The following NETO1 variants were observed in gnomAD, a reference collection of about 807,000 sequenced individuals.
NETO1 encodes neuropilin and tolloid-like protein 1.
A neutral mutation model predicts 61.3 loss-of-function variants in NETO1; 26 were observed. The observed-to-expected ratio is 0.42, with a 90% CI of 0.31 to 0.59. NETO1 has a LOEUF of 0.59. Ranked by LOEUF, NETO1 falls within the 20% of genes least tolerant of loss-of-function variation. The pLI, the probability that NETO1 is intolerant of heterozygous loss-of-function variation, is 0.12. For synonymous variants in NETO1, 225 were observed against 225.8 expected, an observed-to-expected ratio of 1.00 and a Z score of 0.03; for missense variants, 531 against 662.8, an observed-to-expected ratio of 0.80 and a Z score of 2.18.
At chr18:72,755,972 TA>T in intron 8 of NETO1, 61 bp downstream of exon 8, 1 of 810,868 alleles carries the variant, frequency 1.2e-6, no homozygotes, top group Non-Finnish European at 2.1e-6. Flanking sequence ...TTGATACATA[TA>T]AACTTCTACC....
intron 4 of NETO1, among the ~76,000 whole-genome samples, chr18:72,842,799 T>A (rs2073975047): frequency 6.6e-6 from 1 of 152,160 alleles, no homozygotes; most frequent in Non-Finnish European, 1.5e-5. Flanking sequence ...CAATAATACG[T>A]CATAGGTATA....
intron 4 of NETO1, chr18:72,834,172 T>C (rs1217724405): frequency 1.5e-6 from 1 of 681,470 alleles, no homozygotes; most frequent in Non-Finnish European, 1.8e-6. Flanking sequence ...CATTTTAATA[T>C]TTTAATAAAA....
At chr18:72,809,384 A>T (rs556081508) in intron 4 of NETO1, among the ~76,000 whole-genome samples, 2 of 152,226 alleles carry the variant, frequency 1.3e-5, no homozygotes, top group Admixed American at 1.3e-4. Context: ...CCTGTATGTA[A>T]CTAACACTTA....
At chr18:72,775,685 G>C (rs2071523535) in intron 7 of NETO1, among the ~76,000 whole-genome samples, 1 of 152,096 alleles carries the variant, frequency 6.6e-6, no homozygotes, top group Admixed American at 6.6e-5. Flanking sequence ...ATCCTCTTTA[G>C]AGCATTCGAG....
rs142843923 is a variant in NETO1, at chr18:72,828,038, C to T, written c.469+30788G>A. Among the ~76,000 whole-genome samples, 343 of 152,244 alleles carry T rather than the reference C, an allele frequency of 2.3e-3. 2 individuals are homozygous for T. The highest frequency in any genetic ancestry group is 7.8e-3 in the African/African-American group (326 of 41,548). Reference sequence around the variant, plus strand: ...GCAATAAATTAAAAATGCAGCCAGGCGTGGTGGCTCACGCCTGTAATCCCA... The same window carrying T: ...GCAATAAATTAAAAATGCAGCCAGGTGTGGTGGCTCACGCCTGTAATCCCA... On this transcript the variant is annotated intron_variant, in intron 4 of 10. Coordinates refer to ENST00000327305, the MANE Select transcript of NETO1 (RefSeq NM_138966.5).
intron 3 of NETO1, among the ~76,000 whole-genome samples, chr18:72,860,216 C>T (rs1468197633): frequency 1.3e-5 from 2 of 152,198 alleles, no homozygotes; most frequent in African/African-American, 4.8e-5. Flanking sequence ...GCCTGAAGCC[C>T]TCTGAGTGCT....
rs114399620 is a variant in NETO1, at chr18:72,815,607, C to T, written c.470-21203G>A. Among the ~76,000 whole-genome samples the T allele has an allele frequency of 2.7e-3, 406 of 152,218 alleles. 2 individuals are homozygous for T. The highest frequency in any genetic ancestry group is 9.2e-3 in the African/African-American group (383 of 41,530). ...CAATTAAAATAACAACGTGTGATCC[C>T]ATTAAGCAGCCAACAAAACAGAAAA... is the stretch of plus-strand genomic sequence containing the variant. On this transcript the variant is annotated intron_variant, in intron 4 of 10. Transcript: ENST00000327305.
chr18:72,754,403 A>C (rs2070720077), intron 8 of NETO1, among the ~76,000 whole-genome samples: 1 of 152,120 alleles, frequency 6.6e-6, no homozygotes, highest in African/African-American at 2.4e-5. Context: ...AGACTGGATA[A>C]AAAATAAGAT....
chr18:72,866,781 G>A (rs2074747259), intron 1 of NETO1: 2 of 994,350 alleles, frequency 2.0e-6, no homozygotes, highest in Non-Finnish European at 2.4e-6. Flanking sequence ...AGGGCGGAAA[G>A]GGGTGGAAGC....
chr18:72,827,527 A>C (rs8091627), intron 4 of NETO1, among the ~76,000 whole-genome samples: 122,375 of 151,968 alleles, frequency 0.81, 50,004 homozygotes, highest in Non-Finnish European at 0.86. Context: ...CTGTCCAGGG[A>C]AACATGGCAA....
intron 4 of NETO1, among the ~76,000 whole-genome samples, chr18:72,827,621 G>A (rs1041133939): frequency 6.6e-6 from 1 of 151,818 alleles, no homozygotes. Context: ...GAGGCTGAGT[G>A]GGGAGAATCA....
chr18:72,790,361 A>G (rs145396713), intron 6 of NETO1, among the ~76,000 whole-genome samples: 166 of 152,260 alleles, frequency 1.1e-3, no homozygotes, highest in Admixed American at 3.0e-3. Context: ...TTTTAAAATT[A>G]ATTTTTAAAA....
chr18:72,855,225 A>C (rs1039412752), intron 4 of NETO1, among the ~76,000 whole-genome samples: 1 of 152,230 alleles, frequency 6.6e-6, no homozygotes, highest in Admixed American at 6.5e-5. Context: ...AAAGAAGAGA[A>C]CTCTTCAGGG....
intron 4 of NETO1, among the ~76,000 whole-genome samples, chr18:72,829,598 G>A (rs2073506964): frequency 6.6e-6 from 1 of 152,140 alleles, no homozygotes; most frequent in South Asian, 2.1e-4. Context: ...TGTTAAAATA[G>A]TTCTATGCTT....
chr18:72,791,681 C>T (rs1599006110), intron 6 of NETO1, among the ~76,000 whole-genome samples: 1 of 152,172 alleles, frequency 6.6e-6, no homozygotes, highest in African/African-American at 2.4e-5. Context: ...AAAACTTTCT[C>T]CTTGAGACTG....
intron 7 of NETO1, among the ~76,000 whole-genome samples, chr18:72,781,970 C>G (rs8095360): frequency 6.6e-6 from 1 of 151,868 alleles, no homozygotes; most frequent in African/African-American, 2.4e-5. Flanking sequence ...TAGTACCCAA[C>G]AGGGGTACTA....
chr18:72,866,881 C>T (rs1412282794), intron 1 of NETO1: 3 of 818,278 alleles, frequency 3.7e-6, no homozygotes, highest in Non-Finnish European at 4.6e-6. Context: ...GCTCCGGGAG[C>T]CCCTAGAAGA....
At chr18:72,764,351 A>G (rs1466211976) in intron 7 of NETO1, among the ~76,000 whole-genome samples, 1 of 152,202 alleles carries the variant, frequency 6.6e-6, no homozygotes, top group Admixed American at 6.5e-5. Flanking sequence ...ACACATATCA[A>G]CATTCTATAG....
rs1445359643 is a variant in NETO1 at position 72,745,358 on chromosome 18, T to C, written c.*2821A>G. ...AGCTTAATATGGGGATTCATTGGCA[T>C]TGCATGTGATTATATGCTACCATTA... On this transcript the variant is annotated 3_prime_UTR_variant, in exon 11 of 11. Transcript: ENST00000327305. 1 of 152,174 alleles carries C rather than the reference T, an allele frequency of 6.6e-6. No homozygotes were observed. Among genetic ancestry groups the C allele is most frequent in the Non-Finnish European group, 1.5e-5 (1 of 68,024 alleles). 9.4% of individuals were successfully genotyped at this position (152,174 alleles called of 1,614,324 possible). A position where few individuals can be genotyped will look rare whatever the true frequency, so the allele number is the denominator to read the frequency against.
Sources: allele counts gnomAD v4.1 joint callset (sites outside exome capture counted in the v4.1 genomes callset), GRCh38; gene constraint gnomAD v4.1.1; transcripts MANE v1.5; gene names NCBI Gene and HGNC (gene_info 2026-07-23, HGNC 2026-07-21).